COX7A2L: variants seen among roughly 807,000 people sequenced by gnomAD.
COX7A2L encodes the protein cytochrome c oxidase subunit 7A2-like, mitochondrial.
Under a neutral mutation model 14.2 loss-of-function variants are expected in COX7A2L, and 18 were observed. That is an observed-to-expected ratio of 1.27 (90% CI 0.88 to 1.88). The LOEUF (loss-of-function observed/expected upper bound fraction) is 1.88. Ranked by LOEUF, COX7A2L falls within the 40% of genes most tolerant of loss-of-function variation. The pLI is 0.00. For synonymous variants in COX7A2L, 65 were observed against 57.4 expected (o/e 1.13, Z -0.60); for missense variants, 179 against 138.8 (o/e 1.29, Z -1.46).
chr2:42,357,423 G>C (rs181607442), intron 1 of COX7A2L, among the ~76,000 whole-genome samples: 1 of 152,032 alleles, frequency 6.6e-6, no homozygotes, highest in African/African-American at 2.4e-5. Context: ...ATCCTTCCGC[G>C]TCAGCCTCCT....
At chr2:42,358,070 T>G (rs1037578269) in intron 1 of COX7A2L, among the ~76,000 whole-genome samples, 2 of 152,204 alleles carry the variant, frequency 1.3e-5, no homozygotes, top group Admixed American at 1.3e-4. Context: ...ACTGCCAAAC[T>G]GTTTTCCAAA....
chr2:42,366,513 A>G (rs572238645), intron 1 of COX7A2L, among the ~76,000 whole-genome samples: 5 of 152,348 alleles, frequency 3.3e-5, no homozygotes, highest in African/African-American at 1.2e-4. Context: ...ACCTTTGGCT[A>G]GTTCCTTAAC....
Position 42,354,561 on chromosome 2 carries a change from C to G in COX7A2L, c.73-1218G>C, listed in dbSNP as rs553221402. Reference sequence around the variant, plus strand: ...TTGTCTCAAAGAAATCTAAATTTACCTATAATTGACAGGGCATATTATAAA... The same window carrying G: ...TTGTCTCAAAGAAATCTAAATTTACGTATAATTGACAGGGCATATTATAAA... On this transcript the variant is annotated intron_variant, in intron 1 of 2. Transcript: ENST00000234301. Among the ~76,000 whole-genome samples, 116 of 152,276 alleles carry G rather than the reference C, an allele frequency of 7.6e-4. 2 individuals are homozygous for G. The South Asian group carries it at 0.024, about 31-fold the overall frequency.
At chr2:42,340,343 C>T (rs958256087) in intron 2 of COX7A2L, among the ~76,000 whole-genome samples, 1 of 152,228 alleles carries the variant, frequency 6.6e-6, no homozygotes, top group Non-Finnish European at 1.5e-5. Context: ...CTGTCACTCC[C>T]AGGCCCCCAT....
At chr2:42,363,547 T>C (rs1671102777), upstream of COX7A2L, among the ~76,000 whole-genome samples, 1 of 152,204 alleles carries the variant, frequency 6.6e-6, no homozygotes, top group African/African-American at 2.4e-5. Context: ...TTAAGAATCC[T>C]GAAAATGTTA....
At chr2:42,345,207 A>C (rs565267693), downstream of COX7A2L, among the ~76,000 whole-genome samples, 17 of 151,700 alleles carry the variant, frequency 1.1e-4, no homozygotes, top group Non-Finnish European at 2.4e-4. Context: ...ACATGGAGAA[A>C]CCCTGTCTCT....
chr2:42,347,153 T>C (rs1246091644), downstream of COX7A2L, among the ~76,000 whole-genome samples: 1 of 152,180 alleles, frequency 6.6e-6, no homozygotes, highest in Non-Finnish European at 1.5e-5. Context: ...GCGTGAGCCA[T>C]GGCGCCCGGC....
chr2:42,351,297 G>A lies in COX7A2L; in HGVS notation c.267C>T (p.Thr89=). Residue 89 remains threonine, a synonymous_variant, in exon 3 of 3, where the codon ACC becomes ACT. Transcript: ENST00000234301. The part of the protein sequence containing the change: ...RGLPDQMLYR[T]TMALTVGGTI... ...TCCCTCCCACAGTCAGCGCCATGGT[G>A]GTCCGGTAAAGCATTTGGTCAGGCA... 6.2e-7 allele frequency: 1 copy of A among 1,614,168 alleles called. No individual in the cohort carries two copies. Among genetic ancestry groups the A allele is most frequent in the Non-Finnish European group, 8.5e-7 (1 of 1,180,026 alleles).
downstream of COX7A2L, among the ~76,000 whole-genome samples, chr2:42,347,889 C>G (rs1215139858): frequency 1.3e-5 from 2 of 152,144 alleles, no homozygotes; most frequent in African/African-American, 2.4e-5. Context: ...CCATTGCACT[C>G]CAGCCTGGGC....
At chr2:42,353,117 G>C (rs1008834858) in intron 2 of COX7A2L, 95 bp downstream of exon 2, 16 of 1,429,540 alleles carry the variant, frequency 1.1e-5, no homozygotes, top group Non-Finnish European at 1.5e-5. Context: ...AAGAAGGAGG[G>C]TGGGTAGTAA....
chr2:42,349,125 G>A (rs796522360), downstream of COX7A2L, among the ~76,000 whole-genome samples: 1 of 152,118 alleles, frequency 6.6e-6, no homozygotes, highest in South Asian at 2.1e-4. Flanking sequence ...ATACCCAAGA[G>A]AAATGAAAAC....
chr2:42,362,755 A>G (rs985593899), upstream of COX7A2L, among the ~76,000 whole-genome samples: 8 of 152,230 alleles, frequency 5.3e-5, no homozygotes, highest in Non-Finnish European at 1.0e-4. Context: ...AAGCCAGCCC[A>G]AAGTTGCCAC....
chr2:42,358,934 C>G (rs1006032452), intron 1 of COX7A2L, among the ~76,000 whole-genome samples: 1 of 152,106 alleles, frequency 6.6e-6, no homozygotes, highest in African/African-American at 2.4e-5. Flanking sequence ...AGTTCGAGAT[C>G]AGGCTGTGCA....
chr2:42,356,138 G>A (rs565150281), intron 1 of COX7A2L, among the ~76,000 whole-genome samples: 1 of 152,238 alleles, frequency 6.6e-6, no homozygotes, highest in Non-Finnish European at 1.5e-5. Context: ...GCACAGCCAT[G>A]TTCCCTCTGC....
chr2:42,343,626 A>C (rs567582961), intron 2 of COX7A2L, among the ~76,000 whole-genome samples: 1 of 152,316 alleles, frequency 6.6e-6, no homozygotes, highest in East Asian at 1.9e-4. Context: ...ATATGTATTA[A>C]ATCACTGGGA....
intron 1 of COX7A2L, among the ~76,000 whole-genome samples, chr2:42,356,382 T>C (rs767891938): frequency 6.6e-6 from 1 of 152,224 alleles, no homozygotes; most frequent in Non-Finnish European, 1.5e-5. Context: ...CCCACTATAA[T>C]GGAAGCTCCA....
At position 42,353,342 on chromosome 2, in the gene COX7A2L, C is replaced by T. The variant is rs772074677; in HGVS notation, c.74G>A (p.Gly25Glu). 2 of 1,612,732 alleles carry T rather than the reference C, an allele frequency of 1.2e-6. No individual in the cohort carries two copies. The highest frequency in any genetic ancestry group is 1.1e-5 in the South Asian group (1 of 90,724). ...AWASEAYSPQGLKPVVSTEAP... is the reference protein window; with the variant it reads ...AWASEAYSPQELKPVVSTEAP... ...TTCTGTGGAAACCACAGGCTTTAAT[C>T]CCTGTAGAGAAAAAAAGGAAAATGG... Residue 25 changes from glycine to glutamate, a missense_variant and splice_region_variant, in exon 2 of 3, where the codon GGA becomes GAA. Coordinates refer to ENST00000234301, the MANE Select transcript of COX7A2L (RefSeq NM_004718.4).
intron 2 of COX7A2L, among the ~76,000 whole-genome samples, chr2:42,341,041 A>G (rs1040307355): frequency 6.6e-6 from 1 of 151,902 alleles, no homozygotes; most frequent in African/African-American, 2.4e-5. Flanking sequence ...ACGCTGGCTT[A>G]GAGATTCTGT....
At chr2:42,336,449 AGT>A (rs57870247) in intron 2 of COX7A2L, among the ~76,000 whole-genome samples, 17,195 of 152,144 alleles carry the variant, frequency 0.11, 1,027 homozygotes, top group Middle Eastern at 0.22. Flanking sequence ...GAAGAAAGTG[AGT>A]GCCCGAAGAA....
Sources: allele counts gnomAD v4.1 joint callset (sites outside exome capture counted in the v4.1 genomes callset), GRCh38; gene constraint gnomAD v4.1.1; transcripts MANE v1.5; gene names NCBI Gene and HGNC (gene_info 2026-07-23, HGNC 2026-07-21).